The following PIWIL4 variants were observed in gnomAD, a reference collection of about 807,000 sequenced individuals.
PIWIL4 encodes the protein piwi like RNA-mediated gene silencing 4, also known as piwi-like protein 4.
Under a neutral mutation model 100.9 loss-of-function variants are expected in PIWIL4, and 50 were observed. That is an observed-to-expected ratio of 0.50 (90% CI 0.39 to 0.63). PIWIL4 has a LOEUF of 0.63. Among genes scored for constraint, PIWIL4 ranks in the 20% least tolerant of loss-of-function variants. PIWIL4 has a pLI of 0.00. For synonymous variants in PIWIL4, 342 were observed against 367.5 expected (o/e 0.93, Z 0.79); for missense variants, 887 against 1,043.3 (o/e 0.85, Z 2.06).
At chr11:94,592,137 C>T (rs891460703) in intron 8 of PIWIL4, among the ~76,000 whole-genome samples, 3 of 152,218 alleles carry the variant, frequency 2.0e-5, no homozygotes, top group Admixed American at 6.5e-5. Context: ...CTCCCCACCC[C>T]TCCCACTCCA....
chr11:94,585,617 G>T (rs1948388588), intron 6 of PIWIL4, 92 bp downstream of exon 6: 1 of 882,572 alleles, frequency 1.1e-6, no homozygotes, highest in Non-Finnish European at 1.7e-6. Flanking sequence ...TGCCTCCTGT[G>T]AGAGACTCTG....
chr11:94,618,047 T>G lies in PIWIL4; in HGVS notation c.2108T>G (p.Leu703Arg). The G allele has an allele frequency of 2.5e-6, 4 of 1,606,268 alleles. No individual in the cohort carries two copies. The highest frequency in any genetic ancestry group is 3.4e-6 in the Non-Finnish European group (4 of 1,174,898). The change falls in exon 17 of 20, where the codon CTT becomes CGT. Residue 703 changes from leucine (L) to arginine (R), a missense_variant. Leu to Arg is a moderately radical substitution (Grantham distance 102). Coordinates refer to ENST00000299001, the MANE Select transcript of PIWIL4 (RefSeq NM_152431.3). ...AGVGDGQLKT[L>R]IEYEVPQLLS... ...GTAGGGGATGGTCAGCTGAAAACAC[T>G]TATTGAATATGAAGTCCCACAGCTG...
intron 10 of PIWIL4, among the ~76,000 whole-genome samples, chr11:94,597,567 G>T (rs1322504600): frequency 6.6e-6 from 1 of 152,174 alleles, no homozygotes; most frequent in African/African-American, 2.4e-5. Flanking sequence ...TTAAACCCAG[G>T]TCTGTCTGGC....
chr11:94,583,615 T>A, intron 5 of PIWIL4, 46 bp downstream of exon 5: 1 of 1,609,018 alleles, frequency 6.2e-7, no homozygotes, highest in Non-Finnish European at 8.5e-7. Context: ...ATGATACCTT[T>A]CAGCATAGAG....
Position 94,608,619 on chromosome 11 carries a change from A to C in PIWIL4, c.1876A>C (p.Lys626Gln), listed in dbSNP as rs575090655. 5.0e-6 allele frequency: 8 copies of C among 1,614,184 alleles called. No homozygotes were observed. In the African/African-American group the frequency reaches 8.0e-5, roughly 16 times the overall value. ...SLMVVGIDVC[K>Q]DALSKDVMVV... ...GATGGTGGTCGGTATTGATGTCTGT[A>C]AAGATGCACTCAGCAAGGACGTGAT... is the stretch of plus-strand genomic sequence containing the variant. Residue 626 changes from lysine to glutamine, a missense_variant, in exon 15 of 20, where the codon AAA becomes CAA. By Grantham distance (53) the Lys-to-Gln change is moderately conservative. This residue lies in a region of PIWIL4 where 741 missense variants were observed against 930.0 expected (regional missense o/e 0.80). Coordinates refer to ENST00000299001, the MANE Select transcript of PIWIL4 (RefSeq NM_152431.3).
rs746449963 is a variant in PIWIL4, at chr11:94,617,941, C to G, written c.2015-13C>G. 6.2e-7 allele frequency: 1 copy of G among 1,612,824 alleles called. No homozygotes were observed. The highest frequency in any genetic ancestry group is 8.5e-7 in the Non-Finnish European group (1 of 1,179,006). ...AAAAGTAATTCTTTTCTTACTGACA[C>G]CAAATTCTGCAGGAGCACTCAACAA... On this transcript the variant is annotated splice_polypyrimidine_tract_variant and intron_variant, in intron 16 of 19. Transcript: ENST00000299001.
intron 4 of PIWIL4, among the ~76,000 whole-genome samples, chr11:94,578,674 A>G (rs773932538): frequency 3.9e-5 from 6 of 152,220 alleles, no homozygotes; most frequent in African/African-American, 1.4e-4. Context: ...GGCTTCAATC[A>G]TAGCAGAATT....
In PIWIL4 at chr11:94,585,439, T is replaced by G. The variant is rs1168465175; in HGVS notation, c.636-6T>G. On this transcript the variant is annotated splice_polypyrimidine_tract_variant and splice_region_variant and intron_variant, in intron 5 of 19. Coordinates refer to ENST00000299001, the MANE Select transcript of PIWIL4 (RefSeq NM_152431.3). ...TTACCAAAAATTCAAAAAAATATAC[T>G]TGCAGGATCCTCAAAAAGTTGTCCA... 1 of 1,603,172 alleles carries G rather than the reference T, an allele frequency of 6.2e-7. No homozygotes were observed. The highest frequency in any genetic ancestry group is 8.5e-7 in the Non-Finnish European group (1 of 1,174,988).
In PIWIL4 at chr11:94,614,838, A is replaced by G. The variant is rs1042858767; in HGVS notation, c.1944-1655A>G. Among the ~76,000 whole-genome samples the G allele has an allele frequency of 2.0e-5, 3 of 152,018 alleles. No homozygotes were observed. In the East Asian group the frequency reaches 5.8e-4, roughly 29 times the overall value. On this transcript the variant is annotated intron_variant, in intron 15 of 19. Coordinates refer to ENST00000299001, the MANE Select transcript of PIWIL4 (RefSeq NM_152431.3). ...CCTTAAAATTGCATGCACTTTCTCA[A>G]TCCCACAAAGCCAGGCCAGCTGTCA... is the stretch of plus-strand genomic sequence containing the variant.
chr11:94,576,057 G>A (rs1948231573), intron 3 of PIWIL4, among the ~76,000 whole-genome samples: 1 of 152,182 alleles, frequency 6.6e-6, no homozygotes, highest in East Asian at 1.9e-4. Flanking sequence ...CTGATACCTT[G>A]TATTCCTCAC....
At chr11:94,580,303 C>A (rs1948294641) in intron 4 of PIWIL4, among the ~76,000 whole-genome samples, 1 of 152,190 alleles carries the variant, frequency 6.6e-6, no homozygotes, top group Non-Finnish European at 1.5e-5. Flanking sequence ...TTATTCTGAT[C>A]TTGGTATTGA....
intron 12 of PIWIL4, 70 bp downstream of exon 12, chr11:94,602,049 G>T: frequency 7.1e-7 from 1 of 1,410,238 alleles, no homozygotes; most frequent in Non-Finnish European, 9.6e-7. Flanking sequence ...AATGGCAGAT[G>T]TATCAACAAA....
intron 13 of PIWIL4, among the ~76,000 whole-genome samples, chr11:94,605,951 C>T (rs954170642): frequency 6.6e-6 from 1 of 152,202 alleles, no homozygotes; most frequent in South Asian, 2.1e-4. Context: ...ATTCCAGGCT[C>T]ATCTTACAGT....
At chr11:94,571,992 A>G (rs1434446405) in intron 2 of PIWIL4, among the ~76,000 whole-genome samples, 3 of 152,240 alleles carry the variant, frequency 2.0e-5, no homozygotes, top group Non-Finnish European at 4.4e-5. Flanking sequence ...AACTGGTGTG[A>G]GATGGCATCT....
chr11:94,570,211 T>C (rs1363427864), intron 2 of PIWIL4, among the ~76,000 whole-genome samples: 1 of 152,144 alleles, frequency 6.6e-6, no homozygotes. Context: ...GCCCCATGTG[T>C]TAGTCTGCTA....
intron 3 of PIWIL4, among the ~76,000 whole-genome samples, chr11:94,576,380 C>T (rs1023339746): frequency 1.3e-5 from 2 of 152,154 alleles, no homozygotes; most frequent in Non-Finnish European, 2.9e-5. Flanking sequence ...GCAATCCACC[C>T]GCCTTGGCCT....
intron 11 of PIWIL4, 122 bp from the exon 12 acceptor site, chr11:94,601,673 A>T: frequency 2.1e-6 from 2 of 948,250 alleles, no homozygotes; most frequent in Non-Finnish European, 3.3e-6. Flanking sequence ...TCTGTGTTTT[A>T]AGACTGAATA....
intron 11 of PIWIL4, among the ~76,000 whole-genome samples, chr11:94,598,889 G>A (rs1482097107): frequency 1.3e-5 from 2 of 151,420 alleles, no homozygotes; most frequent in East Asian, 1.9e-4. Flanking sequence ...TGTATTTTTT[G>A]TAGAAACCAG....
intron 9 of PIWIL4, 60 bp downstream of exon 9, chr11:94,593,701 A>C: frequency 2.5e-6 from 4 of 1,576,634 alleles, no homozygotes; most frequent in Non-Finnish European, 3.5e-6. Context: ...GATGCTTGGC[A>C]GTGGGCAGAC....
Sources: allele counts gnomAD v4.1 joint callset (sites outside exome capture counted in the v4.1 genomes callset), GRCh38; gene constraint gnomAD v4.1.1; regional missense constraint gnomAD v4.1.1; transcripts MANE v1.5; gene names NCBI Gene and HGNC (gene_info 2026-07-23, HGNC 2026-07-21).